ATP6V0A1: variants seen among roughly 807,000 people sequenced by gnomAD.
ATP6V0A1 encodes V-type proton ATPase 116 kDa subunit a 1.
In ATP6V0A1, 43 loss-of-function variants were observed where a neutral mutation model predicts 105.4. That is an observed-to-expected ratio of 0.41 (90% confidence interval 0.32 to 0.53). The LOEUF (loss-of-function observed/expected upper bound fraction) is 0.53, where lower values mean the gene tolerates loss of function less well. ATP6V0A1 is among the 20% of genes least tolerant of loss of function. The pLI is 0.30. For synonymous variants in ATP6V0A1, 362 were observed against 372.8 expected (o/e 0.97, Z 0.33); for missense variants, 676 against 1,051.1 (o/e 0.64, Z 4.93).
chr17:42,497,252 A>G (rs1239431057), intron 14 of ATP6V0A1, among the ~76,000 whole-genome samples: 1 of 150,006 alleles, frequency 6.7e-6, no homozygotes, highest in African/African-American at 2.5e-5. Flanking sequence ...GTGAGCCAAG[A>G]TCACGTAACT....
intron 3 of ATP6V0A1, among the ~76,000 whole-genome samples, chr17:42,466,746 T>C (rs2087121853): frequency 6.6e-6 from 1 of 152,190 alleles, no homozygotes; most frequent in Non-Finnish European, 1.5e-5. Context: ...TGGTTGTTTT[T>C]TTGTGAGATT....
At chr17:42,467,703 C>T (rs1329846786) in intron 3 of ATP6V0A1, among the ~76,000 whole-genome samples, 3 of 151,898 alleles carry the variant, frequency 2.0e-5, no homozygotes, top group Admixed American at 6.6e-5. Flanking sequence ...GAGTGGCATT[C>T]GCGTATGGAG....
At chr17:42,481,696 GA>G (rs909228065) in intron 8 of ATP6V0A1, among the ~76,000 whole-genome samples, 1 of 151,248 alleles carries the variant, frequency 6.6e-6, no homozygotes, top group African/African-American at 2.4e-5. Flanking sequence ...ACTAAAAACT[GA>G]AAAAAAAGGA....
intron 7 of ATP6V0A1, chr17:42,480,387 A>G (rs148404008): frequency 5.7e-4 from 127 of 221,260 alleles, no homozygotes; most frequent in East Asian, 9.7e-4. Context: ...GAATTGGTAA[A>G]TAAGTCTAAA....
At position 42,490,632 on chromosome 17, in the gene ATP6V0A1, A is replaced by G; in HGVS notation, c.1169A>G (p.Asn390Ser). 6.3e-7 allele frequency: 1 copy of G among 1,583,326 alleles called. No individual in the cohort carries two copies. The highest frequency in any genetic ancestry group is 8.5e-7 in the Non-Finnish European group (1 of 1,171,300). The change falls in exon 11 of 22, where the codon AAT becomes AGT. Residue 390 changes from asparagine to serine, a missense_variant. This residue lies in a region of ATP6V0A1 where 435 missense variants were observed against 642.2 expected (regional missense o/e 0.68). Transcript: ENST00000343619. ...GGAATTGGAACTTACCGAGAGATAA[A>G]TCCAGGTAAAAAAAAGCTTGTTATC... is the stretch of plus-strand genomic sequence containing the variant. ...AYGIGTYREI[N>S]PAPYTIITFP...
intron 11 of ATP6V0A1, among the ~76,000 whole-genome samples, chr17:42,493,122 T>A (rs532711031): frequency 2.0e-5 from 3 of 152,360 alleles, no homozygotes; most frequent in African/African-American, 7.2e-5. Flanking sequence ...AAGCAAAATG[T>A]TTCTTCTAAG....
Position 42,498,904 on chromosome 17 carries a change from G to T in ATP6V0A1, c.1561-20G>T. On this transcript the variant is annotated intron_variant, in intron 14 of 21. Transcript: ENST00000343619. Reference sequence around the variant, plus strand: ...TGAGAATTCTTTATAATACCTATTTGTTTTCTCGGGTTATGACAGATTTGG... The same window carrying T: ...TGAGAATTCTTTATAATACCTATTTTTTTTCTCGGGTTATGACAGATTTGG... 6.6e-7 allele frequency: 1 copy of T among 1,513,314 alleles called. No homozygotes were observed. The highest frequency in any genetic ancestry group is 9.1e-7 in the Non-Finnish European group (1 of 1,095,068). 93.7% of individuals were successfully genotyped at this position (1,513,314 alleles called of 1,614,324 possible).
intron 14 of ATP6V0A1, among the ~76,000 whole-genome samples, chr17:42,498,033 CTGAGGTCAGGAGTT>C (rs1452515739): frequency 6.6e-6 from 1 of 151,966 alleles, no homozygotes; most frequent in African/African-American, 2.4e-5. Context: ...CAGGCCAGAC[CTGAGGTCAGGAGTT>C]TGAGACCAGC....
chr17:42,513,291 A>C (rs1022578803), intron 19 of ATP6V0A1, among the ~76,000 whole-genome samples: 2 of 152,142 alleles, frequency 1.3e-5, no homozygotes, highest in African/African-American at 4.8e-5. Flanking sequence ...TTCACCGTGT[A>C]ATCTCTTTAG....
chr17:42,459,351 A>G (rs2086130140), intron 1 of ATP6V0A1, among the ~76,000 whole-genome samples: 1 of 152,218 alleles, frequency 6.6e-6, no homozygotes, highest in East Asian at 1.9e-4. Context: ...AAGCAGGTGA[A>G]TACCGTGGGA....
chr17:42,500,650 T>A, intron 15 of ATP6V0A1, 57 bp from the exon 16 acceptor site: 1 of 1,359,176 alleles, frequency 7.4e-7, no homozygotes, highest in Non-Finnish European at 1.0e-6. Flanking sequence ...CTCCATTCAG[T>A]GTAGGAGTGG....
intron 14 of ATP6V0A1, chr17:42,495,985 T>C (rs1408614287): frequency 3.7e-6 from 1 of 271,230 alleles, no homozygotes; most frequent in African/African-American, 2.4e-5. Context: ...GGCAGGAGAA[T>C]CGCTTGAACC....
At chr17:42,491,645 G>A (rs2090637902) in intron 11 of ATP6V0A1, among the ~76,000 whole-genome samples, 1 of 152,112 alleles carries the variant, frequency 6.6e-6, no homozygotes, top group African/African-American at 2.4e-5. Context: ...CATCACGCCC[G>A]GCTAATTTTG....
intron 5 of ATP6V0A1, among the ~76,000 whole-genome samples, chr17:42,476,292 C>A (rs1394078273): frequency 6.6e-6 from 1 of 152,176 alleles, no homozygotes; most frequent in African/African-American, 2.4e-5. Flanking sequence ...TTTAGGCCTT[C>A]AGACTTATCA....
chr17:42,498,031 A>G (rs1359206899), intron 14 of ATP6V0A1, among the ~76,000 whole-genome samples: 1 of 152,022 alleles, frequency 6.6e-6, no homozygotes, highest in East Asian at 1.9e-4. Flanking sequence ...CTCAGGCCAG[A>G]CCTGAGGTCA....
At position 42,514,534 on chromosome 17, in the gene ATP6V0A1, CCA is replaced by C. The variant is rs951354094; in HGVS notation, c.2420+81_2420+82del. ...CTGCGGTGAGAGGGCAGCTTTTCTCCCACACACAGCCCTGCAGCTCTGTGCAG... is the reference window on the plus strand; with the variant it reads ...CTGCGGTGAGAGGGCAGCTTTTCTCCCACACAGCCCTGCAGCTCTGTGCAG... On this transcript the variant is annotated intron_variant, in intron 21 of 21. Transcript: ENST00000343619. The C allele has an allele frequency of 3.0e-5, 42 of 1,405,344 alleles. No individual in the cohort carries two copies. In the Admixed American group the frequency reaches 3.1e-4, roughly 10 times the overall value. The allele number at this position is 1,405,344 out of a possible 1,614,324, so 87.1% of individuals were successfully genotyped here.
At chr17:42,485,539 GTTTGTTTTGTTTTGT>G (rs369394543) in intron 9 of ATP6V0A1, among the ~76,000 whole-genome samples, 22 of 151,494 alleles carry the variant, frequency 1.5e-4, no homozygotes, top group African/African-American at 4.4e-4. Context: ...TGTTTTGTTT[GTTTGTTTTGTTTTGT>G]TTTGTTTTGT....
chr17:42,474,269 G>A (rs1372114825), intron 5 of ATP6V0A1, among the ~76,000 whole-genome samples: 12 of 151,840 alleles, frequency 7.9e-5, no homozygotes, highest in Non-Finnish European at 1.5e-5. Flanking sequence ...CCAAAGTGCT[G>A]GAATTACAGG....
At chr17:42,495,556 T>G (rs2091075942) in intron 13 of ATP6V0A1, 70 bp from the exon 14 acceptor site, 4 of 1,200,156 alleles carry the variant, frequency 3.3e-6, no homozygotes, top group Non-Finnish European at 3.7e-6. Flanking sequence ...TATTTTGGGG[T>G]CAGTTTCTGG....
Sources: allele counts gnomAD v4.1 joint callset (sites outside exome capture counted in the v4.1 genomes callset), GRCh38; gene constraint gnomAD v4.1.1; regional missense constraint gnomAD v4.1.1; transcripts MANE v1.5; gene names NCBI Gene and HGNC (gene_info 2026-07-23, HGNC 2026-07-21).